Variants in EXPH5 observed in about 807,000 individuals in gnomAD.
EXPH5 encodes the protein exophilin 5, also known as exophilin-5.
A neutral mutation model predicts 41.1 loss-of-function variants in EXPH5; 42 were observed. The ratio of observed to expected loss-of-function variants is 1.02; its 90% CI spans 0.80 to 1.32. EXPH5 has a LOEUF of 1.32. Ranked by LOEUF, EXPH5 falls within the 40% of genes most tolerant of loss-of-function variation. The pLI is 0.00. For missense variants in EXPH5, 2,298 were observed against 2,314.5 expected (o/e 0.99, Z 0.15); for synonymous variants, 798 against 833.5 (o/e 0.96, Z 0.73).
intron 4 of EXPH5, among the ~76,000 whole-genome samples, chr11:108,523,585 T>C (rs1210340462): frequency 6.6e-6 from 1 of 152,180 alleles, no homozygotes; most frequent in East Asian, 1.9e-4. Context: ...AAACTAACTA[T>C]ATAAGGCTGT....
chr11:108,538,942 A>G lies in EXPH5; in HGVS notation c.443+82T>C, dbSNP rs1029647717. The G allele has an allele frequency of 4.1e-6, 5 of 1,224,198 alleles. No homozygotes were observed. In the African/African-American group the frequency reaches 7.6e-5, roughly 19 times the overall value. 75.8% of individuals were successfully genotyped at this position (1,224,198 alleles called of 1,614,324 possible). On this transcript the variant is annotated intron_variant, in intron 3 of 5. Coordinates refer to ENST00000265843, the MANE Select transcript of EXPH5 (RefSeq NM_015065.3). ...AATTGAAATTCTAAGAACAAACATTAAACATTTTGAACACAAAACAGGCTG... is the reference window on the plus strand; with the variant it reads ...AATTGAAATTCTAAGAACAAACATTGAACATTTTGAACACAAAACAGGCTG...
chr11:108,591,598 C>T (rs1034390829), intron 1 of EXPH5, among the ~76,000 whole-genome samples: 3 of 152,194 alleles, frequency 2.0e-5, no homozygotes, highest in African/African-American at 4.8e-5. Flanking sequence ...AATACAGTAT[C>T]GATTTTGTCT....
In EXPH5 at chr11:108,514,271, A is replaced by G. The variant is rs140916032; in HGVS notation, c.1236T>C (p.Asn412=). The G allele has an allele frequency of 6.2e-7, 1 of 1,614,082 alleles. No homozygotes were observed. Among genetic ancestry groups the G allele is most frequent in the Admixed American group, 1.7e-5 (1 of 60,008 alleles). Residue 412 remains asparagine (N), a synonymous_variant, in exon 6 of 6, where the codon AAT becomes AAC. Coordinates refer to ENST00000265843, the MANE Select transcript of EXPH5 (RefSeq NM_015065.3). ...GTGAATGGTACGATTCATATCTCTT[A>G]TTCTCCTGAAAACCCCTGGGATACA... The part of the protein sequence containing the change: ...KYVYPRGFQE[N]KRYESYHSQN...
At chr11:108,569,632 C>T (rs1401702463) in intron 1 of EXPH5, among the ~76,000 whole-genome samples, 1 of 152,218 alleles carries the variant, frequency 6.6e-6, no homozygotes, top group Non-Finnish European at 1.5e-5. Context: ...AGCCACTGCT[C>T]CTGGCCTGAA....
chr11:108,512,768 G>A lies in EXPH5; in HGVS notation c.2739C>T (p.Asp913=). ...CTCTTTCTCCTAGCGATGGATCTTTGTCTGAAGGACTTCTCCTGGAGAACA... is the reference window on the plus strand; with the variant it reads ...CTCTTTCTCCTAGCGATGGATCTTTATCTGAAGGACTTCTCCTGGAGAACA... ...TTVFSRRSPS[D]KDPSLGEREE... is the part of the protein sequence containing the mutation. Residue 913 remains aspartate (D), a synonymous_variant, in exon 6 of 6, where the codon GAC becomes GAT. Transcript: ENST00000265843. 6.2e-7 allele frequency: 1 copy of A among 1,613,810 alleles called. No individual in the cohort carries two copies.
intron 5 of EXPH5, among the ~76,000 whole-genome samples, chr11:108,515,368 C>T (rs1179533850): frequency 6.8e-6 from 1 of 147,938 alleles, no homozygotes; most frequent in African/African-American, 2.6e-5. Context: ...AAATGAACCT[C>T]TGTAAGTAGC....
In EXPH5 at chr11:108,509,513, G is replaced by T; in HGVS notation, c.*24C>A. On this transcript the variant is annotated 3_prime_UTR_variant, in exon 6 of 6. Transcript: ENST00000265843. ...CCATTATAAGCTTTTGGTGAAAAAA[G>T]TAAAGCATTTTATTGAAAAAGCCTC... 2 of 1,527,754 alleles carry T rather than the reference G, an allele frequency of 1.3e-6. No homozygotes were observed. The highest frequency in any genetic ancestry group is 1.7e-6 in the Non-Finnish European group (2 of 1,143,086). The allele number at this position is 1,527,754 out of a possible 1,614,324, so 94.6% of individuals were successfully genotyped here. A position where few individuals can be genotyped will look rare whatever the true frequency, so the allele number is the denominator to read the frequency against.
chr11:108,513,182 C>A lies in EXPH5; in HGVS notation c.2325G>T (p.Arg775Ser). The A allele has an allele frequency of 1.2e-6, 2 of 1,614,026 alleles. No homozygotes were observed. The highest frequency in any genetic ancestry group is 1.7e-6 in the Non-Finnish European group (2 of 1,179,974). Residue 775 changes from arginine (R) to serine (S), a missense_variant, in exon 6 of 6, where the codon AGG becomes AGT. Coordinates refer to ENST00000265843, the MANE Select transcript of EXPH5 (RefSeq NM_015065.3). ...GTATATACATTTTGGAGGTATCTTT[C>A]CTGGAAAAGACTCTGGGTGACTTTT... ...SSKKSPRVFSRKDTSKMYIPH... is the reference protein window; with the variant it reads ...SSKKSPRVFSSKDTSKMYIPH...
chr11:108,562,264 T>TG (rs1217908007), intron 1 of EXPH5, among the ~76,000 whole-genome samples: 8 of 47,646 alleles, frequency 1.7e-4, no homozygotes, highest in East Asian at 1.5e-3. Context: ...ATTTTTTCTG[T>TG]GTTTTTTTTT....
chr11:108,513,557 T>G lies in EXPH5; in HGVS notation c.1950A>C (p.Thr650=). 1.2e-6 allele frequency: 2 copies of G among 1,614,226 alleles called. No homozygotes were observed. Among genetic ancestry groups the G allele is most frequent in the Non-Finnish European group, 1.7e-6 (2 of 1,180,030 alleles). The change falls in exon 6 of 6, where the codon ACA becomes ACC. Residue 650 remains threonine (T), a synonymous_variant. Transcript: ENST00000265843. ...TTGGAAAAATTTTCTGCAAAGTGACTGTGGGATTCTGCAAGTTGGGACTCT... is the reference window on the plus strand; with the variant it reads ...TTGGAAAAATTTTCTGCAAAGTGACGGTGGGATTCTGCAAGTTGGGACTCT... ...NPQSPNLQNP[T]VTLQKIFPNK...
intron 1 of EXPH5, among the ~76,000 whole-genome samples, chr11:108,562,704 T>C (rs1300841586): frequency 6.6e-6 from 1 of 152,208 alleles, no homozygotes; most frequent in Admixed American, 6.5e-5. Flanking sequence ...GGCTCACACC[T>C]GTAATCCCAA....
chr11:108,510,938 A>T lies in EXPH5; in HGVS notation c.4569T>A (p.Thr1523=). The T allele has an allele frequency of 6.2e-7, 1 of 1,614,074 alleles. No individual in the cohort carries two copies. The highest frequency in any genetic ancestry group is 8.5e-7 in the Non-Finnish European group (1 of 1,179,986). The change falls in exon 6 of 6, where the codon ACT becomes ACA. Residue 1523 remains threonine, a synonymous_variant. Coordinates refer to ENST00000265843, the MANE Select transcript of EXPH5 (RefSeq NM_015065.3). ...ALHKLQLGEE[T]QSDEPNLESL... ...TCTCTAAGTTTGGTTCATCTGACTG[A>T]GTCTCCTCACCAAGCTGTAGTTTAT...
intron 4 of EXPH5, among the ~76,000 whole-genome samples, chr11:108,524,444 G>A (rs2093785279): frequency 6.6e-6 from 1 of 152,136 alleles, no homozygotes; most frequent in African/African-American, 2.4e-5. Context: ...GTTGATGCTG[G>A]TAGCCAAATG....
intron 1 of EXPH5, among the ~76,000 whole-genome samples, chr11:108,560,136 G>A (rs2094005528): frequency 6.6e-6 from 1 of 152,182 alleles, no homozygotes; most frequent in Admixed American, 6.5e-5. Context: ...AATGCCTGGA[G>A]GTTTTCTAAA....
chr11:108,508,004 C>CAAAAAGAAAA lies in EXPH5; in HGVS notation c.*1532_*1533insTTTTCTTTTT, dbSNP rs2093653627. Reference sequence around the variant, plus strand: ...GAAACTCCAACTCTACTAAAAATACCAAAAAAAAAAAAAAAAAAAAAAAAA... The same window carrying CAAAAAGAAAA: ...GAAACTCCAACTCTACTAAAAATACCAAAAAGAAAAAAAAAAAAAAAAAAAAAAAAAAAAA... On this transcript the variant is annotated 3_prime_UTR_variant, in exon 6 of 6. Coordinates refer to ENST00000265843, the MANE Select transcript of EXPH5 (RefSeq NM_015065.3). 1 of 66,758 alleles carries CAAAAAGAAAA rather than the reference C, an allele frequency of 1.5e-5. No individual in the cohort carries two copies. The allele number at this position is 66,758 out of a possible 1,614,324, so 4.1% of individuals were successfully genotyped here. A position where few individuals can be genotyped will look rare whatever the true frequency, so the allele number is the denominator to read the frequency against.
chr11:108,539,773 T>C (rs977564117), intron 2 of EXPH5, among the ~76,000 whole-genome samples: 2 of 151,826 alleles, frequency 1.3e-5, no homozygotes, highest in African/African-American at 2.4e-5. Flanking sequence ...CCAAAAAAAT[T>C]TGAGCACCAA....
intron 1 of EXPH5, among the ~76,000 whole-genome samples, chr11:108,545,406 C>T (rs1266959030): frequency 6.6e-6 from 1 of 152,004 alleles, no homozygotes; most frequent in Non-Finnish European, 1.5e-5. Context: ...AGATAGGGCT[C>T]CCACCCTAGA....
intron 1 of EXPH5, among the ~76,000 whole-genome samples, chr11:108,562,403 C>G (rs2094016658): frequency 6.7e-6 from 1 of 149,494 alleles, no homozygotes; most frequent in Admixed American, 6.7e-5. Context: ...ACCAGCCTAG[C>G]CAACATGGAG....
chr11:108,548,041 G>A (rs1456107179), intron 1 of EXPH5, among the ~76,000 whole-genome samples: 7 of 149,532 alleles, frequency 4.7e-5, no homozygotes, highest in South Asian at 4.2e-4. Flanking sequence ...CCCAGGAGGC[G>A]GAGGTTGCAG....
Sources: gnomAD v4.1 joint callset for allele counts (sites outside exome capture counted in the v4.1 genomes callset) on GRCh38, gnomAD v4.1.1 for gene constraint, MANE v1.5 for transcripts, NCBI Gene and HGNC (gene_info 2026-07-23, HGNC 2026-07-21) for gene names.